FILIP1: variants seen among roughly 807,000 people sequenced by gnomAD.
FILIP1 encodes the protein filamin A interacting protein 1, also known as filamin-A-interacting protein 1.
In FILIP1, 61 loss-of-function variants were observed where a neutral mutation model predicts 102.1. The ratio of observed to expected loss-of-function variants is 0.60; its 90% CI spans 0.49 to 0.74. The LOEUF (loss-of-function observed/expected upper bound fraction) is 0.74. Among genes scored for constraint, FILIP1 ranks in the 30% least tolerant of loss-of-function variants. The probability of loss-of-function intolerance (pLI) is 0.00; values close to 1 mark genes in which losing one functional copy is unlikely to be tolerated. For synonymous variants in FILIP1, 491 were observed against 526.9 expected, an observed-to-expected ratio of 0.93 and a Z score of 0.93; for missense variants, 1,314 against 1,441.2, an observed-to-expected ratio of 0.91 and a Z score of 1.43.
intron 2 of FILIP1, among the ~76,000 whole-genome samples, chr6:75,405,590 C>A (rs1487534517): frequency 6.6e-6 from 1 of 152,224 alleles, no homozygotes; most frequent in African/African-American, 2.4e-5. Flanking sequence ...AGGCAAGTTA[C>A]TTCTATAGAA....
At chr6:75,457,516 A>G (rs904296045) in intron 1 of FILIP1, among the ~76,000 whole-genome samples, 3 of 152,196 alleles carry the variant, frequency 2.0e-5, no homozygotes, top group African/African-American at 7.2e-5. Context: ...CCCCACTTTC[A>G]TACGGAATTC....
At chr6:75,401,749 T>C (rs996033795) in intron 2 of FILIP1, among the ~76,000 whole-genome samples, 4 of 152,108 alleles carry the variant, frequency 2.6e-5, no homozygotes, top group African/African-American at 9.7e-5. Context: ...TTCTACATAA[T>C]ATCTCTCCTG....
chr6:75,472,488 A>G (rs571675281), intron 1 of FILIP1, among the ~76,000 whole-genome samples: 68 of 152,236 alleles, frequency 4.5e-4, no homozygotes, highest in African/African-American at 1.6e-3. Context: ...CCCACATTGC[A>G]TGTTTTGTGA....
At chr6:75,361,821 C>T (rs1775181707) in intron 3 of FILIP1, 1 of 152,152 alleles carries the variant, frequency 6.6e-6, no homozygotes, top group South Asian at 2.1e-4. Context: ...TTGACTGCAT[C>T]CTATCTTATA....
intron 2 of FILIP1, among the ~76,000 whole-genome samples, chr6:75,372,621 AAAAGAAAGAAAGAAAGAAAG>A (rs760896137): frequency 2.6e-4 from 11 of 42,254 alleles, no homozygotes; most frequent in South Asian, 1.1e-3. Context: ...GAAAGAAAGA[AAAAGAAAGAAAGAAAGAAAG>A]AAAGAAAGAA....
intron 2 of FILIP1, among the ~76,000 whole-genome samples, chr6:75,382,456 G>A (rs1338671798): frequency 3.9e-5 from 6 of 152,184 alleles, no homozygotes; most frequent in Non-Finnish European, 5.9e-5. Flanking sequence ...CAGGCCATCA[G>A]AGCTTTTCAC....
rs547838187 is a variant in FILIP1 at position 75,392,472 on chromosome 6, AC to A, written c.276+22224del. Among the ~76,000 whole-genome samples the A allele has an allele frequency of 2.2e-4, 33 of 152,088 alleles. No homozygotes were observed. The South Asian group carries it at 5.8e-3, about 27-fold the overall frequency. On this transcript the variant is annotated intron_variant, in intron 2 of 5. Coordinates refer to ENST00000237172, the MANE Select transcript of FILIP1 (RefSeq NM_015687.5). Reference sequence around the variant, plus strand: ...TCTAGTTTCCACTTGTCTACTCTCCACCTATAGTCTTCTCCATCTCAGTAAA... The same window carrying A: ...TCTAGTTTCCACTTGTCTACTCTCCACTATAGTCTTCTCCATCTCAGTAAA...
intron 2 of FILIP1, among the ~76,000 whole-genome samples, chr6:75,401,443 T>C (rs1050551306): frequency 6.6e-6 from 1 of 152,196 alleles, no homozygotes; most frequent in Non-Finnish European, 1.5e-5. Flanking sequence ...CTCTTATCCC[T>C]TTGCTTCATC....
chr6:75,443,176 T>A (rs1005347212), intron 1 of FILIP1, among the ~76,000 whole-genome samples: 1 of 152,178 alleles, frequency 6.6e-6, no homozygotes, highest in African/African-American at 2.4e-5. Flanking sequence ...ATAAAGTCAA[T>A]CCATAGATTT....
rs547631291 is a variant in FILIP1, at chr6:75,476,862, T to C, written c.-7+16552A>G. Reference sequence around the variant, plus strand: ...GAGTCATGACAGACCATCTTTCTGCTCCCTAGTGTCTGGTTTGATCTCACT... The same window carrying C: ...GAGTCATGACAGACCATCTTTCTGCCCCCTAGTGTCTGGTTTGATCTCACT... On this transcript the variant is annotated intron_variant, in intron 1 of 5. Transcript: ENST00000237172. Among the ~76,000 whole-genome samples, 3 of 152,282 alleles carry C rather than the reference T, an allele frequency of 2.0e-5. No homozygotes were observed. In the East Asian group the frequency reaches 5.8e-4, roughly 29 times the overall value.
chr6:75,404,395 T>C (rs1167719179), intron 2 of FILIP1, among the ~76,000 whole-genome samples: 1 of 152,104 alleles, frequency 6.6e-6, no homozygotes, highest in Non-Finnish European at 1.5e-5. Flanking sequence ...CATCAACACA[T>C]TCTACTTTCT....
At chr6:75,480,925 G>A (rs1329906013) in intron 1 of FILIP1, among the ~76,000 whole-genome samples, 2 of 152,162 alleles carry the variant, frequency 1.3e-5, no homozygotes, top group African/African-American at 4.8e-5. Context: ...GTGAAAGACT[G>A]CAGCTCACTA....
intron 4 of FILIP1, among the ~76,000 whole-genome samples, chr6:75,344,730 A>G (rs1774520982): frequency 6.6e-6 from 1 of 152,226 alleles, no homozygotes; most frequent in African/African-American, 2.4e-5. Context: ...AATGACAGCA[A>G]TGTGAAAGGA....
chr6:75,464,396 C>A (rs1402025391), intron 1 of FILIP1, among the ~76,000 whole-genome samples: 1 of 152,144 alleles, frequency 6.6e-6, no homozygotes, highest in Non-Finnish European at 1.5e-5. Flanking sequence ...CAAAAATGCT[C>A]AAGTGCTTTG....
intron 4 of FILIP1, among the ~76,000 whole-genome samples, chr6:75,318,109 C>T (rs1164919020): frequency 6.6e-6 from 1 of 151,896 alleles, no homozygotes; most frequent in East Asian, 1.9e-4. Flanking sequence ...ACACGTCACA[C>T]TCAACTGAAT....
intron 2 of FILIP1, among the ~76,000 whole-genome samples, chr6:75,374,282 T>C (rs1444083306): frequency 2.6e-5 from 4 of 152,242 alleles, no homozygotes; most frequent in Non-Finnish European, 5.9e-5. Flanking sequence ...CTCAGTTCTA[T>C]GCTGATAAAG....
At chr6:75,470,231 T>TA (rs960816013) in intron 1 of FILIP1, among the ~76,000 whole-genome samples, 2 of 151,952 alleles carry the variant, frequency 1.3e-5, no homozygotes, top group South Asian at 4.2e-4. Context: ...AAAAACAACA[T>TA]AAAAAAATCA....
rs1224563443 is a variant in FILIP1 at position 75,315,312 on chromosome 6, C to G, written c.630-110G>C. 2.4e-5 allele frequency: 16 copies of G among 658,758 alleles called. No individual in the cohort carries two copies. The East Asian group carries it at 3.7e-4, about 15-fold the overall frequency. The allele number at this position is 658,758 out of a possible 1,614,324, so 40.8% of individuals were successfully genotyped here. On this transcript the variant is annotated intron_variant, in intron 4 of 5. Coordinates refer to ENST00000237172, the MANE Select transcript of FILIP1 (RefSeq NM_015687.5). ...ACTACAATAAATCCCTTATCAATTG[C>G]TATAATTTCAATGTTTAAAGAATAG...
At chr6:75,371,667 T>C (rs1306090988) in intron 2 of FILIP1, among the ~76,000 whole-genome samples, 1 of 152,190 alleles carries the variant, frequency 6.6e-6, no homozygotes, top group Non-Finnish European at 1.5e-5. Flanking sequence ...AAATAAATTT[T>C]TGCATATATA....
Sources: allele counts gnomAD v4.1 joint callset (sites outside exome capture counted in the v4.1 genomes callset), GRCh38; gene constraint gnomAD v4.1.1; transcripts MANE v1.5; gene names NCBI Gene and HGNC (gene_info 2026-07-23, HGNC 2026-07-21).